Variants in RNF152 observed in about 807,000 individuals in gnomAD.
RNF152 encodes the protein ring finger protein 152.
Under a neutral mutation model 12.7 loss-of-function variants are expected in RNF152, and 11 were observed. That is an observed-to-expected ratio of 0.86 (90% CI 0.54 to 1.43). The LOEUF (loss-of-function observed/expected upper bound fraction) is 1.43. Ranked by LOEUF, RNF152 falls within the 40% of genes most tolerant of loss-of-function variation. The pLI is 0.00. For missense variants in RNF152, 255 were observed against 274.8 expected, an observed-to-expected ratio of 0.93 and a Z score of 0.51; for synonymous variants, 113 against 120.3, an observed-to-expected ratio of 0.94 and a Z score of 0.40.
chr18:61,830,029 T>TG (rs1246180785), intron 1 of RNF152, among the ~76,000 whole-genome samples: 20 of 151,646 alleles, frequency 1.3e-4, no homozygotes, highest in Non-Finnish European at 4.4e-5. Context: ...GAGCTTCTTT[T>TG]TTTTTTTTTT....
At chr18:61,867,852 T>C (rs185671892) in intron 1 of RNF152, among the ~76,000 whole-genome samples, 14 of 152,358 alleles carry the variant, frequency 9.2e-5, no homozygotes, top group Admixed American at 3.9e-4. Flanking sequence ...GAATGTCCAG[T>C]GCACACTAAT....
At chr18:61,821,765 G>C (rs915143875) in intron 1 of RNF152, among the ~76,000 whole-genome samples, 1 of 152,178 alleles carries the variant, frequency 6.6e-6, no homozygotes, top group African/African-American at 2.4e-5. Flanking sequence ...TCAGATCAGC[G>C]ATGGCATTAG....
intron 1 of RNF152, among the ~76,000 whole-genome samples, chr18:61,879,337 C>T (rs939176780): frequency 5.9e-5 from 9 of 151,872 alleles, no homozygotes; most frequent in South Asian, 2.1e-4. Context: ...AATCTAGTGA[C>T]GATTTAAAGT....
chr18:61,879,351 C>T (rs895871129), intron 1 of RNF152, among the ~76,000 whole-genome samples: 2 of 152,044 alleles, frequency 1.3e-5, no homozygotes, highest in Non-Finnish European at 2.9e-5. Context: ...TTAAAGTATA[C>T]ACGAGGAAGT....
intron 1 of RNF152, among the ~76,000 whole-genome samples, chr18:61,871,068 G>A (rs1186124536): frequency 6.6e-6 from 1 of 152,052 alleles, no homozygotes; most frequent in Non-Finnish European, 1.5e-5. Context: ...TCTGATAGAG[G>A]CTTTTACCTT....
intron 1 of RNF152, among the ~76,000 whole-genome samples, chr18:61,824,441 A>G (rs908454515): frequency 1.3e-5 from 2 of 152,244 alleles, no homozygotes; most frequent in African/African-American, 4.8e-5. Context: ...TCCCTGACAG[A>G]TCATTTACAA....
In RNF152 at chr18:61,878,082, G is replaced by A. The variant is rs183788477; in HGVS notation, c.-136+14713C>T. Among the ~76,000 whole-genome samples the A allele has an allele frequency of 1.6e-4, 24 of 152,262 alleles. No individual in the cohort carries two copies. In the East Asian group the frequency reaches 3.9e-3, roughly 25 times the overall value. ...TAGAAAGAGAACGAGGGTAGAAAAGGCATCCCACTCTGAACTGCATCTCAT... is the reference window on the plus strand; with the variant it reads ...TAGAAAGAGAACGAGGGTAGAAAAGACATCCCACTCTGAACTGCATCTCAT... On this transcript the variant is annotated intron_variant, in intron 1 of 1. Transcript: ENST00000312828.
At chr18:61,820,539 G>A (rs1909352327) in intron 1 of RNF152, among the ~76,000 whole-genome samples, 1 of 151,952 alleles carries the variant, frequency 6.6e-6, no homozygotes, top group African/African-American at 2.4e-5. Flanking sequence ...TGTGCCTGCG[G>A]GGAAGGATTG....
chr18:61,882,536 A>C (rs185520154), intron 1 of RNF152, among the ~76,000 whole-genome samples: 1 of 152,318 alleles, frequency 6.6e-6, no homozygotes, highest in Non-Finnish European at 1.5e-5. Flanking sequence ...CAAACTAATC[A>C]CTGTTGCTGG....
chr18:61,876,063 T>A (rs1241597622), intron 1 of RNF152, among the ~76,000 whole-genome samples: 1 of 152,144 alleles, frequency 6.6e-6, no homozygotes. Flanking sequence ...ACTCCCATAC[T>A]ACCAGTCCCA....
chr18:61,840,142 A>T (rs1910386048), intron 1 of RNF152, among the ~76,000 whole-genome samples: 1 of 152,196 alleles, frequency 6.6e-6, no homozygotes, highest in African/African-American at 2.4e-5. Flanking sequence ...TCTTTCCCTC[A>T]TGTGAGAACA....
At chr18:61,825,848 T>A (rs1599267842) in intron 1 of RNF152, among the ~76,000 whole-genome samples, 2 of 152,322 alleles carry the variant, frequency 1.3e-5, no homozygotes, top group Admixed American at 1.3e-4. Context: ...ACTACACATG[T>A]TCCCTACTCC....
At position 61,812,503 on chromosome 18, in the gene RNF152, T is replaced by C. The variant is rs1908851548; in HGVS notation, c.*3349A>G. The C allele has an allele frequency of 6.6e-6, 1 of 152,200 alleles. No homozygotes were observed. The highest frequency in any genetic ancestry group is 1.5e-5 in the Non-Finnish European group (1 of 68,032). 9.4% of individuals were successfully genotyped at this position (152,200 alleles called of 1,614,324 possible). On this transcript the variant is annotated 3_prime_UTR_variant, in exon 2 of 2. Transcript: ENST00000312828. The stretch of plus-strand genomic sequence containing the variant: ...AGTATGACTGGAACCAAAAACCAAG[T>C]TGCCTTTTCATCACAACTTATGCCC...
Position 61,816,551 on chromosome 18 carries a change from G to C in RNF152, c.-88C>G, listed in dbSNP as rs988489733. The stretch of plus-strand genomic sequence containing the variant: ...CACCGCCCTGTGTCTTTGCAGTGCA[G>C]GTAATGGCAAGCTCACAGGCATCCA... On this transcript the variant is annotated 5_prime_UTR_variant, in exon 2 of 2. Transcript: ENST00000312828. The C allele has an allele frequency of 5.0e-5, 73 of 1,450,908 alleles. No homozygotes were observed. In the African/African-American group the frequency reaches 8.9e-4, roughly 18 times the overall value. 89.9% of individuals were successfully genotyped at this position (1,450,908 alleles called of 1,614,324 possible).
intron 1 of RNF152, among the ~76,000 whole-genome samples, chr18:61,845,716 C>A (rs1910714876): frequency 6.6e-6 from 1 of 152,192 alleles, no homozygotes; most frequent in Non-Finnish European, 1.5e-5. Context: ...AACTGACCTC[C>A]CGTAGCAGAG....
intron 1 of RNF152, among the ~76,000 whole-genome samples, chr18:61,871,492 T>C (rs1568289541): frequency 6.6e-6 from 1 of 152,142 alleles, no homozygotes; most frequent in East Asian, 1.9e-4. Context: ...TCAGCAAGGA[T>C]GAGTAATTTA....
At chr18:61,854,677 C>T (rs895385831) in intron 1 of RNF152, among the ~76,000 whole-genome samples, 1 of 152,170 alleles carries the variant, frequency 6.6e-6, no homozygotes, top group Admixed American at 6.5e-5. Context: ...CTATGATGGT[C>T]ATACTGCTAT....
intron 1 of RNF152, among the ~76,000 whole-genome samples, chr18:61,836,257 G>A (rs113343948): frequency 6.6e-6 from 1 of 152,072 alleles, no homozygotes; most frequent in African/African-American, 2.4e-5. Context: ...CATGTCAAAA[G>A]GCCCCAGGAG....
intron 1 of RNF152, among the ~76,000 whole-genome samples, chr18:61,844,108 A>T (rs1386577185): frequency 6.9e-6 from 1 of 145,778 alleles, no homozygotes. Context: ...GAAAGAAAGA[A>T]AGAAAGAAAG....
Sources: gnomAD v4.1 joint callset for allele counts (sites outside exome capture counted in the v4.1 genomes callset) on GRCh38, gnomAD v4.1.1 for gene constraint, MANE v1.5 for transcripts, NCBI Gene and HGNC (gene_info 2026-07-23, HGNC 2026-07-21) for gene names.